The following CSRNP3 variants were observed in gnomAD, a reference collection of about 807,000 sequenced individuals.
The protein encoded by CSRNP3 is cysteine/serine-rich nuclear protein 3.
CSRNP3 carries 12 observed loss-of-function variants against 48.0 expected under a neutral mutation model. The observed-to-expected ratio is 0.25, with a 90% CI of 0.16 to 0.41. The LOEUF is 0.41. Ranked by LOEUF, CSRNP3 falls within the 10% of genes least tolerant of loss-of-function variation. The pLI is 1.00. For missense variants in CSRNP3, 580 were observed against 724.4 expected (o/e 0.80, Z 2.29); for synonymous variants, 263 against 269.7 (o/e 0.98, Z 0.24).
intron 2 of CSRNP3, among the ~76,000 whole-genome samples, chr2:165,498,843 C>T (rs915025023): frequency 6.6e-6 from 1 of 152,066 alleles, no homozygotes; most frequent in African/African-American, 2.4e-5. Flanking sequence ...AAATTTCCCA[C>T]ATCTATTATT....
chr2:165,478,517 A>G (rs1211302196), intron 1 of CSRNP3, among the ~76,000 whole-genome samples: 2 of 152,320 alleles, frequency 1.3e-5, no homozygotes, highest in Middle Eastern at 3.4e-3. Context: ...CTTCTTCTCT[A>G]TGAGGAAAAT....
intron 4 of CSRNP3, among the ~76,000 whole-genome samples, chr2:165,610,503 A>G (rs545455260): frequency 9.2e-5 from 14 of 152,202 alleles, no homozygotes; most frequent in Non-Finnish European, 1.6e-4. Context: ...TTCTCTTCTG[A>G]TGCCATGGCT....
At chr2:165,644,095 C>A (rs184351305) in intron 4 of CSRNP3, among the ~76,000 whole-genome samples, 87 of 152,268 alleles carry the variant, frequency 5.7e-4, no homozygotes, top group African/African-American at 2.0e-3. Context: ...CTTCCCCCAC[C>A]AGCTACTTGC....
At chr2:165,659,041 A>G (rs1386285912) in intron 5 of CSRNP3, among the ~76,000 whole-genome samples, 1 of 152,158 alleles carries the variant, frequency 6.6e-6, no homozygotes, top group Non-Finnish European at 1.5e-5. Context: ...AAACCATATT[A>G]AGGTATTTTT....
chr2:165,609,541 G>A (rs1163726609), intron 4 of CSRNP3, among the ~76,000 whole-genome samples: 3 of 99,602 alleles, frequency 3.0e-5, no homozygotes, highest in African/African-American at 9.5e-5. Flanking sequence ...TATAAATACT[G>A]ATAAAAAAAA....
In CSRNP3 at chr2:165,678,868, C is replaced by T. The variant is rs768630673; in HGVS notation, c.873C>T (p.Cys291=). 1 of 1,614,028 alleles carries T rather than the reference C, an allele frequency of 6.2e-7. No homozygotes were observed. The highest frequency in any genetic ancestry group is 1.7e-5 in the Admixed American group (1 of 59,998). Residue 291 remains cysteine, a synonymous_variant, in exon 7 of 7, where the codon TGC becomes TGT. Coordinates refer to ENST00000651982, the MANE Select transcript of CSRNP3 (RefSeq NM_001172173.2). The part of the protein sequence containing the change: ...REQQIPTLNG[C]HSEISAHSSS... Reference sequence around the variant, plus strand: ...AGCAAATCCCCACGCTGAATGGCTGCCACAGTGAGATAAGTGCTCACAGTA... The same window carrying T: ...AGCAAATCCCCACGCTGAATGGCTGTCACAGTGAGATAAGTGCTCACAGTA...
chr2:165,674,713 T>TATATATATATATATAA (rs1491404246), intron 5 of CSRNP3, among the ~76,000 whole-genome samples: 1 of 133,298 alleles, frequency 7.5e-6, no homozygotes, highest in African/African-American at 2.8e-5. Context: ...TATATATATA[T>TATATATATATATATAA]AATTTGTTTA....
rs139392428 is a variant in CSRNP3, at chr2:165,560,153, C to A, written c.-23-34890C>A. On this transcript the variant is annotated intron_variant, in intron 3 of 6. Transcript: ENST00000651982. ...CAAAGACAAAGATTACAATTAGGTT[C>A]TATTGCTTTCCTTAGGGAGCTCACA... 2.6e-4 allele frequency among the ~76,000 whole-genome samples: 40 copies of A among 152,244 alleles called. No individual in the cohort carries two copies. In the East Asian group the frequency reaches 7.7e-3, roughly 29 times the overall value.
chr2:165,549,718 T>G (rs1335518838), intron 3 of CSRNP3, among the ~76,000 whole-genome samples: 1 of 152,176 alleles, frequency 6.6e-6, no homozygotes, highest in Non-Finnish European at 1.5e-5. Flanking sequence ...AAAGACCATA[T>G]TTTTTCTACC....
chr2:165,653,532 G>A (rs1686950084), intron 4 of CSRNP3, among the ~76,000 whole-genome samples: 2 of 152,090 alleles, frequency 1.3e-5, no homozygotes, highest in African/African-American at 4.8e-5. Flanking sequence ...AAGGTAATTT[G>A]GCTTTTCTGG....
At chr2:165,606,366 CA>C (rs1229143916) in intron 4 of CSRNP3, among the ~76,000 whole-genome samples, 6,398 of 63,086 alleles carry the variant, frequency 0.1, 379 homozygotes, top group African/African-American at 0.25. Flanking sequence ...GCTAATGCAG[CA>C]AAAAAAAAAA....
rs1687505073 is a variant in CSRNP3 at position 165,679,920 on chromosome 2, T to C, written c.*167T>C. 3.3e-6 allele frequency: 3 copies of C among 898,724 alleles called. No homozygotes were observed. The highest frequency in any genetic ancestry group is 1.7e-5 in the African/African-American group (1 of 59,816). 55.7% of individuals were successfully genotyped at this position (898,724 alleles called of 1,614,324 possible). On this transcript the variant is annotated 3_prime_UTR_variant, in exon 7 of 7. Transcript: ENST00000651982. ...CCTTTCTAGCCACATGACTGTGGCA[T>C]TGCACAAATACAGTCTCTGTAGGGA...
intron 4 of CSRNP3, among the ~76,000 whole-genome samples, chr2:165,607,752 AC>A (rs1686056545): frequency 1.3e-5 from 2 of 152,126 alleles, no homozygotes; most frequent in Admixed American, 1.3e-4. Flanking sequence ...GTGAGAATGG[AC>A]TTCACTGCAA....
In CSRNP3 at chr2:165,592,801, C is replaced by CTTTTTT. The variant is rs374516256; in HGVS notation, c.-23-2242_-23-2241insTTTTTT. Among the ~76,000 whole-genome samples, 19 of 133,440 alleles carry CTTTTTT rather than the reference C, an allele frequency of 1.4e-4. 5 individuals are homozygous for CTTTTTT. Among genetic ancestry groups the CTTTTTT allele is most frequent in the African/African-American group, 2.0e-4 (7 of 35,480 alleles). 87.5% of individuals were successfully genotyped at this position (133,440 alleles called of 152,430 possible). ...ACTGTGAGTCAATTAAACCTCTTTT[C>CTTTTTT]ATTTTTTTTTTTTTTTTTGAGACGG... On this transcript the variant is annotated intron_variant, in intron 3 of 6. Coordinates refer to ENST00000651982, the MANE Select transcript of CSRNP3 (RefSeq NM_001172173.2).
intron 3 of CSRNP3, among the ~76,000 whole-genome samples, chr2:165,543,069 G>T (rs908879649): frequency 6.6e-6 from 1 of 152,092 alleles, no homozygotes; most frequent in Non-Finnish European, 1.5e-5. Context: ...TAGACTGAGG[G>T]TGACAGTTAG....
intron 2 of CSRNP3, among the ~76,000 whole-genome samples, chr2:165,516,737 T>C (rs1453825082): frequency 6.6e-6 from 1 of 152,168 alleles, no homozygotes; most frequent in Non-Finnish European, 1.5e-5. Context: ...GTAATTCCAA[T>C]CACAATTTGA....
At chr2:165,567,844 C>T (rs543110280) in intron 3 of CSRNP3, among the ~76,000 whole-genome samples, 1 of 152,110 alleles carries the variant, frequency 6.6e-6, no homozygotes, top group South Asian at 2.1e-4. Context: ...CAGTTACTCT[C>T]AGCCTCCCAA....
chr2:165,594,911 A>G (rs1044279677), intron 3 of CSRNP3, 132 bp from the exon 4 acceptor site: 14 of 590,322 alleles, frequency 2.4e-5, no homozygotes, highest in Non-Finnish European at 3.3e-5. Context: ...AAAATCTGCT[A>G]AAGATCCTTT....
chr2:165,518,649 T>G (rs987668373), intron 3 of CSRNP3, among the ~76,000 whole-genome samples: 1 of 152,018 alleles, frequency 6.6e-6, no homozygotes, highest in Non-Finnish European at 1.5e-5. Context: ...TTGGATACCT[T>G]GAAAAAGTAG....
Sources: gnomAD v4.1 joint callset for allele counts (sites outside exome capture counted in the v4.1 genomes callset) on GRCh38, gnomAD v4.1.1 for gene constraint, MANE v1.5 for transcripts, NCBI Gene and HGNC (gene_info 2026-07-23, HGNC 2026-07-21) for gene names.